Variants in STK3 observed in about 807,000 individuals in gnomAD.
STK3 encodes serine/threonine kinase 3.
STK3 carries 41 observed loss-of-function variants against 58.0 expected under a neutral mutation model. The observed-to-expected ratio is 0.71, with a 90% CI of 0.55 to 0.92. The LOEUF is 0.92. STK3 is among the 40% of genes least tolerant of loss of function. STK3 has a pLI of 0.00. For missense variants in STK3, 479 were observed against 602.7 expected, an observed-to-expected ratio of 0.79 and a Z score of 2.15; for synonymous variants, 170 against 191.0, an observed-to-expected ratio of 0.89 and a Z score of 0.91.
intron 10 of STK3, among the ~76,000 whole-genome samples, chr8:98,461,917 T>C (rs1359720255): frequency 1.3e-5 from 2 of 152,002 alleles, no homozygotes; most frequent in South Asian, 2.1e-4. Context: ...CTTGGTGACA[T>C]CTTTTTTGCA....
chr8:98,530,984 TTC>T (rs1826133706), intron 9 of STK3, among the ~76,000 whole-genome samples: 1 of 152,232 alleles, frequency 6.6e-6, no homozygotes, highest in Non-Finnish European at 1.5e-5. Context: ...GTCTAGTTCT[TTC>T]GCTATTACCA....
chr8:98,792,088 T>C (rs1397088056), intron 1 of STK3, among the ~76,000 whole-genome samples: 1 of 152,084 alleles, frequency 6.6e-6, no homozygotes, highest in Non-Finnish European at 1.5e-5. Flanking sequence ...ATCCAGAATC[T>C]AAAACAAACA....
chr8:98,588,755 C>G (rs1005651258), intron 7 of STK3, among the ~76,000 whole-genome samples: 5 of 151,748 alleles, frequency 3.3e-5, no homozygotes, highest in Admixed American at 6.6e-5. Context: ...TAGATTTGGT[C>G]TTTTCACATA....
intron 10 of STK3, among the ~76,000 whole-genome samples, chr8:98,519,084 G>T (rs1353180086): frequency 6.6e-6 from 1 of 152,050 alleles, no homozygotes; most frequent in Non-Finnish European, 1.5e-5. Context: ...TAATGCAAAG[G>T]TAATCGATGA....
At chr8:98,738,364 T>C (rs189969341) in intron 4 of STK3, among the ~76,000 whole-genome samples, 53 of 151,990 alleles carry the variant, frequency 3.5e-4, no homozygotes, top group African/African-American at 1.2e-3. Context: ...TCCCAGCTAC[T>C]AGGGAGGATG....
At chr8:98,618,576 G>T (rs1817974388) in intron 6 of STK3, among the ~76,000 whole-genome samples, 1 of 147,936 alleles carries the variant, frequency 6.8e-6, no homozygotes, top group African/African-American at 2.5e-5. Context: ...CATTGTCTCA[G>T]CCCAAAATCT....
chr8:98,460,488 T>C (rs1317195910), intron 10 of STK3, among the ~76,000 whole-genome samples: 3 of 152,184 alleles, frequency 2.0e-5, no homozygotes, highest in African/African-American at 7.2e-5. Context: ...TGGGGAACTA[T>C]TGAAAAGGCA....
intron 2 of STK3, among the ~76,000 whole-genome samples, chr8:98,773,553 G>A (rs1320287903): frequency 6.6e-6 from 1 of 152,076 alleles, no homozygotes; most frequent in African/African-American, 2.4e-5. Flanking sequence ...GAGGCCAGGA[G>A]TTGAAGACCA....
rs184315400 is a variant in STK3, at chr8:98,569,514, G to A, written c.948+10150C>T. The stretch of plus-strand genomic sequence containing the variant: ...AAAAAAAGTACGGCATTAATAAATT[G>A]TGTTTGAACATACACAGAGGAGCTC... On this transcript the variant is annotated intron_variant, in intron 8 of 10. Coordinates refer to ENST00000419617, the MANE Select transcript of STK3 (RefSeq NM_006281.4). 2.2e-4 allele frequency among the ~76,000 whole-genome samples: 33 copies of A among 151,976 alleles called. No homozygotes were observed. In the East Asian group the frequency reaches 6.4e-3, roughly 29 times the overall value.
chr8:98,799,470 G>A (rs1163166854), intron 1 of STK3, among the ~76,000 whole-genome samples: 1 of 151,274 alleles, frequency 6.6e-6, no homozygotes, highest in African/African-American at 2.4e-5. Context: ...AAGGGAGATA[G>A]AATTAGTAAA....
At position 98,455,841 on chromosome 8, in the gene STK3, C is replaced by T; in HGVS notation, c.*1G>A. The T allele has an allele frequency of 2.5e-6, 4 of 1,613,476 alleles. No individual in the cohort carries two copies. Among genetic ancestry groups the T allele is most frequent in the Non-Finnish European group, 2.5e-6 (3 of 1,179,720 alleles). On this transcript the variant is annotated 3_prime_UTR_variant, in exon 11 of 11. Coordinates refer to ENST00000419617, the MANE Select transcript of STK3 (RefSeq NM_006281.4). ...AGTTAAAAACAGAGAGGAAATTAGA[C>T]TCAAAAGTTTTGCTGCCTTCTTTTC...
At chr8:98,649,109 T>C (rs1451544515) in intron 6 of STK3, among the ~76,000 whole-genome samples, 3 of 152,008 alleles carry the variant, frequency 2.0e-5, no homozygotes, top group Non-Finnish European at 4.4e-5. Context: ...CCTAAAGTAC[T>C]ATTAATCATC....
At chr8:98,693,403 A>T (rs1218029601) in intron 6 of STK3, among the ~76,000 whole-genome samples, 4 of 152,094 alleles carry the variant, frequency 2.6e-5, no homozygotes, top group African/African-American at 9.7e-5. Context: ...AGAAGAAAGA[A>T]GATGATGATG....
intron 9 of STK3, among the ~76,000 whole-genome samples, chr8:98,530,991 T>C (rs903891840): frequency 5.9e-5 from 9 of 152,238 alleles, no homozygotes; most frequent in Non-Finnish European, 1.3e-4. Context: ...TCTTTCGCTA[T>C]TACCATCACA....
At chr8:98,801,283 A>G (rs1245884469) in intron 1 of STK3, among the ~76,000 whole-genome samples, 2 of 152,126 alleles carry the variant, frequency 1.3e-5, no homozygotes, top group African/African-American at 4.8e-5. Context: ...TGGACCAATC[A>G]GTTCTCTGTG....
At chr8:98,462,868 C>A (rs1023533203) in intron 10 of STK3, 4 of 152,100 alleles carry the variant, frequency 2.6e-5, no homozygotes, top group African/African-American at 9.7e-5. Context: ...CTAATGTGAT[C>A]TTTTCAGGGG....
intron 10 of STK3, among the ~76,000 whole-genome samples, chr8:98,500,757 G>A (rs1393926157): frequency 1.3e-5 from 2 of 152,140 alleles, no homozygotes; most frequent in African/African-American, 2.4e-5. Flanking sequence ...TTTTATGGCT[G>A]CATAGTATTC....
intron 1 of STK3, among the ~76,000 whole-genome samples, chr8:98,895,186 C>T (rs867717211): frequency 9.9e-5 from 15 of 152,084 alleles, no homozygotes; most frequent in African/African-American, 1.9e-4. Flanking sequence ...TATGGTATGG[C>T]GCAATGTTTC....
At chr8:98,371,057 T>C (rs1459107659), downstream of STK3, among the ~76,000 whole-genome samples, 1 of 152,204 alleles carries the variant, frequency 6.6e-6, no homozygotes, top group African/African-American at 2.4e-5. Context: ...TCCTAGGATG[T>C]TGAAGGTCCC....
Sources: gnomAD v4.1 joint callset for allele counts (sites outside exome capture counted in the v4.1 genomes callset) on GRCh38, gnomAD v4.1.1 for gene constraint, MANE v1.5 for transcripts, NCBI Gene and HGNC (gene_info 2026-07-23, HGNC 2026-07-21) for gene names.